The following CACNA2D3 variants were observed in gnomAD, a reference collection of about 807,000 sequenced individuals.
CACNA2D3 encodes voltage-dependent calcium channel subunit alpha-2/delta-3.
A neutral mutation model predicts 160.6 loss-of-function variants in CACNA2D3; 60 were observed. The ratio of observed to expected loss-of-function variants is 0.37; its 90% CI spans 0.30 to 0.46. The LOEUF (loss-of-function observed/expected upper bound fraction) is 0.46. CACNA2D3 is among the 20% of genes least tolerant of loss of function. The pLI is 1.00. For missense variants in CACNA2D3, 1,205 were observed against 1,365.0 expected, an observed-to-expected ratio of 0.88 and a Z score of 1.85; for synonymous variants, 558 against 492.9, an observed-to-expected ratio of 1.13 and a Z score of -1.75.
chr3:54,350,987 T>TTTTTTTTTTTTG (rs1698550377), intron 3 of CACNA2D3, among the ~76,000 whole-genome samples: 1 of 28,784 alleles, frequency 3.5e-5, no homozygotes, highest in Non-Finnish European at 6.7e-5. Flanking sequence ...TTTTTGTTTG[T>TTTTTTTTTTTTG]TTTTTTTTTT....
At chr3:54,354,370 A>T (rs1020531515) in intron 3 of CACNA2D3, among the ~76,000 whole-genome samples, 2 of 152,214 alleles carry the variant, frequency 1.3e-5, no homozygotes, top group Admixed American at 6.5e-5. Flanking sequence ...AAAAGTCAAC[A>T]AGGACTAGTG....
At chr3:54,411,757 G>A (rs753093677) in intron 4 of CACNA2D3, among the ~76,000 whole-genome samples, 27 of 152,100 alleles carry the variant, frequency 1.8e-4, no homozygotes, top group Non-Finnish European at 3.7e-4. Context: ...CTGAATACCT[G>A]TTGTAATCCA....
intron 5 of CACNA2D3, among the ~76,000 whole-genome samples, chr3:54,534,166 G>A (rs1701850179): frequency 6.6e-6 from 1 of 152,136 alleles, no homozygotes; most frequent in Admixed American, 6.6e-5. Context: ...TTAAGTGACA[G>A]TTCTTGCTTG....
chr3:54,439,322 T>G (rs763500512), intron 4 of CACNA2D3, among the ~76,000 whole-genome samples: 7 of 151,984 alleles, frequency 4.6e-5, no homozygotes, highest in Non-Finnish European at 7.4e-5. Flanking sequence ...TGTGTGTGTG[T>G]GTGTGTGTGT....
chr3:55,037,175 A>C (rs767193608), intron 35 of CACNA2D3, among the ~76,000 whole-genome samples: 2 of 152,214 alleles, frequency 1.3e-5, no homozygotes, highest in Non-Finnish European at 2.9e-5. Context: ...CAAAAGAAGA[A>C]GAAACCAAGG....
chr3:54,930,065 A>G (rs1010719178), intron 27 of CACNA2D3, among the ~76,000 whole-genome samples: 2 of 152,214 alleles, frequency 1.3e-5, no homozygotes, highest in Non-Finnish European at 2.9e-5. Flanking sequence ...CTCTGCTGTT[A>G]TAGTTTGGAA....
chr3:54,858,401 T>C lies in CACNA2D3; in HGVS notation c.1626+11934T>C, dbSNP rs1396056367. Among the ~76,000 whole-genome samples, 3 of 152,154 alleles carry C rather than the reference T, an allele frequency of 2.0e-5. No homozygotes were observed. In the South Asian group the frequency reaches 6.2e-4, roughly 32 times the overall value. On this transcript the variant is annotated intron_variant, in intron 17 of 37. Coordinates refer to ENST00000474759, the MANE Select transcript of CACNA2D3 (RefSeq NM_018398.3). ...AGGACCATCTCACCGGGGGTAGGAA[T>C]ACACAGGAAGTAGGAGCTCAAGGCA...
At chr3:54,433,912 T>C (rs1359084094) in intron 4 of CACNA2D3, among the ~76,000 whole-genome samples, 2 of 152,190 alleles carry the variant, frequency 1.3e-5, no homozygotes, top group African/African-American at 4.8e-5. Flanking sequence ...CCCCCTGAAA[T>C]GATCTTCGCA....
chr3:54,879,366 T>A lies in CACNA2D3; in HGVS notation c.1799T>A (p.Met600Lys), dbSNP rs1559614359. ...TCAATCTAGAAACGGGTTTTGGTGA[T>A]GACAAATGACTACTATTATACAGAC... ...TVDKGKRVLV[M>K]TNDYYYTDIK... The change falls in exon 20 of 38, where the codon ATG becomes AAG. Residue 600 changes from methionine to lysine, a missense_variant. Met to Lys is a moderately conservative substitution (Grantham distance 95). Coordinates refer to ENST00000474759, the MANE Select transcript of CACNA2D3 (RefSeq NM_018398.3). The A allele has an allele frequency of 1.9e-6, 3 of 1,609,192 alleles. No homozygotes were observed. Among genetic ancestry groups the A allele is most frequent in the Non-Finnish European group, 2.5e-6 (3 of 1,178,302 alleles).
intron 11 of CACNA2D3, among the ~76,000 whole-genome samples, chr3:54,701,873 C>T (rs1700773126): frequency 6.6e-6 from 1 of 152,116 alleles, no homozygotes; most frequent in African/African-American, 2.4e-5. Flanking sequence ...CTCAAGGCTG[C>T]AGTAACCAAA....
At chr3:54,344,654 G>A (rs546632784) in intron 3 of CACNA2D3, among the ~76,000 whole-genome samples, 7 of 152,250 alleles carry the variant, frequency 4.6e-5, no homozygotes, top group African/African-American at 1.4e-4. Flanking sequence ...TAGAAATTGA[G>A]TCTCCTCTTG....
chr3:54,265,240 G>A lies in CACNA2D3; in HGVS notation c.205-55202G>A, dbSNP rs531548920. ...TTCCTGTTTCTCCACATCCTCTCCA[G>A]CATCTGTTGTTTCCTGACTTTTTAA... On this transcript the variant is annotated intron_variant, in intron 2 of 37. Transcript: ENST00000474759. Among the ~76,000 whole-genome samples, 125 of 152,250 alleles carry A rather than the reference G, an allele frequency of 8.2e-4. 1 individual carries two copies. The highest frequency in any genetic ancestry group is 1.5e-3 in the Non-Finnish European group (104 of 68,018).
At chr3:55,003,924 G>A (rs1703034902) in intron 31 of CACNA2D3, among the ~76,000 whole-genome samples, 1 of 152,164 alleles carries the variant, frequency 6.6e-6, no homozygotes, top group East Asian at 1.9e-4. Flanking sequence ...AGGGAGACAG[G>A]GAGCAAGGTC....
At chr3:54,459,750 T>C (rs1194995494) in intron 4 of CACNA2D3, among the ~76,000 whole-genome samples, 2 of 152,194 alleles carry the variant, frequency 1.3e-5, no homozygotes, top group African/African-American at 2.4e-5. Context: ...GTAGTTTCTT[T>C]TGCTGTGCAG....
At chr3:54,149,936 C>CCTCT (rs1700114264) in intron 2 of CACNA2D3, among the ~76,000 whole-genome samples, 2 of 50,548 alleles carry the variant, frequency 4.0e-5, no homozygotes, top group Admixed American at 3.9e-4. Flanking sequence ...TCTCTCCCTC[C>CCTCT]CTCCCTCCCT....
intron 12 of CACNA2D3, among the ~76,000 whole-genome samples, chr3:54,758,380 C>T (rs1417077899): frequency 6.6e-6 from 1 of 152,052 alleles, no homozygotes; most frequent in Admixed American, 6.6e-5. Flanking sequence ...GAGAGCTCTG[C>T]TCAGGAGTGC....
chr3:55,074,537 T>A lies in CACNA2D3; in HGVS notation c.*331T>A. ...AATTTAAAACTGTGTACTTTTTAAA[T>A]AAAGTATATTAAAATCATAATCTCC... On this transcript the variant is annotated 3_prime_UTR_variant, in exon 38 of 38. Transcript: ENST00000474759. 1 of 208,136 alleles carries A rather than the reference T, an allele frequency of 4.8e-6. No individual in the cohort carries two copies. The allele number at this position is 208,136 out of a possible 1,614,324, so 12.9% of individuals were successfully genotyped here.
At chr3:55,025,136 C>T (rs967126533) in intron 35 of CACNA2D3, among the ~76,000 whole-genome samples, 5 of 152,036 alleles carry the variant, frequency 3.3e-5, no homozygotes, top group African/African-American at 1.2e-4. Flanking sequence ...TAGGACATTG[C>T]TAGAGCAAGC....
intron 5 of CACNA2D3, among the ~76,000 whole-genome samples, chr3:54,541,023 A>G (rs1701964460): frequency 6.6e-6 from 1 of 152,082 alleles, no homozygotes; most frequent in Non-Finnish European, 1.5e-5. Flanking sequence ...CACGCCTGTA[A>G]TCCCAGCACT....
Sources: allele counts gnomAD v4.1 joint callset (sites outside exome capture counted in the v4.1 genomes callset), GRCh38; gene constraint gnomAD v4.1.1; transcripts MANE v1.5; gene names NCBI Gene and HGNC (gene_info 2026-07-23, HGNC 2026-07-21).